The following FHAD1 variants were observed in gnomAD, a reference collection of about 807,000 sequenced individuals.
FHAD1 encodes the protein forkhead associated phosphopeptide binding domain 1, also known as forkhead-associated domain-containing protein 1.
Under a neutral mutation model 191.3 loss-of-function variants are expected in FHAD1, and 146 were observed. The observed-to-expected ratio is 0.76, with a 90% CI of 0.67 to 0.88. FHAD1 has a LOEUF of 0.88. Among genes scored for constraint, FHAD1 ranks in the 40% least tolerant of loss-of-function variants. The pLI, the probability that FHAD1 is intolerant of heterozygous loss-of-function variation, is 0.00. For synonymous variants in FHAD1, 616 were observed against 672.3 expected (o/e 0.92, Z 1.29); for missense variants, 1,635 against 1,785.8 (o/e 0.92, Z 1.52).
chr1:15,374,038 T>G (rs1443947756), intron 26 of FHAD1, among the ~76,000 whole-genome samples: 2 of 152,184 alleles, frequency 1.3e-5, no homozygotes, highest in Non-Finnish European at 2.9e-5. Context: ...GAGGAAGGTT[T>G]TCATTTCTCC....
At chr1:15,353,704 C>CAAAAA (rs60518389) in intron 20 of FHAD1, among the ~76,000 whole-genome samples, 1,648 of 58,544 alleles carry the variant, frequency 0.028, no homozygotes, top group Non-Finnish European at 0.036. Context: ...GACTCCATCT[C>CAAAAA]AAAAAAAAAA....
intron 18 of FHAD1, among the ~76,000 whole-genome samples, chr1:15,345,965 G>A (rs558855515): frequency 2.0e-5 from 3 of 152,274 alleles, no homozygotes; most frequent in Non-Finnish European, 4.4e-5. Context: ...GATGCCTCAG[G>A]CCGACAGAAA....
intron 22 of FHAD1, among the ~76,000 whole-genome samples, chr1:15,361,959 G>A (rs1445137364): frequency 3.3e-5 from 5 of 150,984 alleles, no homozygotes; most frequent in East Asian, 2.0e-4. Context: ...AGCCGAGATC[G>A]CGCCATTGCA....
intron 10 of FHAD1, among the ~76,000 whole-genome samples, chr1:15,320,969 T>C (rs1213412389): frequency 1.3e-5 from 2 of 152,192 alleles, no homozygotes; most frequent in African/African-American, 4.8e-5. Flanking sequence ...AGAGTCTTGC[T>C]CTATTGCCAG....
At chr1:15,257,312 C>T (rs1648668875) in intron 2 of FHAD1, among the ~76,000 whole-genome samples, 1 of 152,220 alleles carries the variant, frequency 6.6e-6, no homozygotes, top group African/African-American at 2.4e-5. Context: ...AATTTCTGCT[C>T]ATCCAAGAGG....
chr1:15,313,122 G>A lies in FHAD1; in HGVS notation c.1105G>A (p.Glu369Lys), dbSNP rs1401071812. 1.8e-5 allele frequency: 28 copies of A among 1,551,900 alleles called. No individual in the cohort carries two copies. The highest frequency in any genetic ancestry group is 2.4e-5 in the Non-Finnish European group (27 of 1,147,036). ...TGAGCAAGTTCAACAACTAAAGGAA[G>A]AGGTCAGTCACCTAAAAAGTCAGAA... ...KDEQVQQLKE[E>K]VSHLKSQNKD... The change falls in exon 8 of 34, where the codon GAG (glutamate) becomes AAG (lysine). Residue 369 changes from glutamate to lysine, a missense_variant. Transcript: ENST00000688493.
At chr1:15,348,376 G>A (rs1206420930) in intron 18 of FHAD1, among the ~76,000 whole-genome samples, 1 of 152,202 alleles carries the variant, frequency 6.6e-6, no homozygotes, top group African/African-American at 2.4e-5. Context: ...ATGGTGACTG[G>A]AAACAGGCTG....
At chr1:15,249,525 A>C (rs143372240) in intron 1 of FHAD1, among the ~76,000 whole-genome samples, 1 of 152,350 alleles carries the variant, frequency 6.6e-6, no homozygotes, top group African/African-American at 2.4e-5. Flanking sequence ...TATCCCTATT[A>C]AAGACAGCAG....
intron 1 of FHAD1, 79 bp from the exon 2 acceptor site, chr1:15,251,692 A>G (rs1300695236): frequency 3.2e-5 from 36 of 1,120,454 alleles, no homozygotes; most frequent in Non-Finnish European, 4.2e-5. Context: ...TGGTTATTTC[A>G]TTCATTTTAA....
intron 18 of FHAD1, among the ~76,000 whole-genome samples, chr1:15,347,159 C>A (rs2102386830): frequency 6.6e-6 from 1 of 152,356 alleles, no homozygotes; most frequent in East Asian, 1.9e-4. Flanking sequence ...CAGAGCGTCA[C>A]TGAGGTTTGC....
At chr1:15,286,226 G>C (rs976842425) in intron 3 of FHAD1, among the ~76,000 whole-genome samples, 1 of 152,206 alleles carries the variant, frequency 6.6e-6, no homozygotes, top group African/African-American at 2.4e-5. Flanking sequence ...AACCAGACCA[G>C]GTGTTGGGGC....
intron 2 of FHAD1, among the ~76,000 whole-genome samples, chr1:15,269,530 A>G (rs951340722): frequency 6.6e-6 from 1 of 152,218 alleles, no homozygotes; most frequent in African/African-American, 2.4e-5. Context: ...CATATTCTAC[A>G]TGATTTCTAT....
chr1:15,397,390 T>C lies in FHAD1; in HGVS notation c.4417T>C (p.Ser1473Pro). 6.5e-7 allele frequency: 1 copy of C among 1,539,904 alleles called. No individual in the cohort carries two copies. The highest frequency in any genetic ancestry group is 8.8e-7 in the Non-Finnish European group (1 of 1,139,146). The change falls in exon 34 of 34, where the codon TCT (serine) becomes CCT (proline). Residue 1473 changes from serine to proline, a missense_variant. Ser to Pro is a moderately conservative substitution (Grantham distance 74, BLOSUM62 -1). Transcript: ENST00000688493. ...CAAGTCCAGCCAGAGCCTTTTGCAT[T>C]CTAAGCCCAGTGGAAAGTACTAGAG... Reference protein sequence around the residue: ...SSKSSQSLLHSKPSGKY With the variant: ...SSKSSQSLLHPKPSGKY
intron 10 of FHAD1, among the ~76,000 whole-genome samples, chr1:15,320,944 T>G (rs1676043669): frequency 6.6e-6 from 1 of 152,226 alleles, no homozygotes; most frequent in Non-Finnish European, 1.5e-5. Context: ...TTGTTGTTTG[T>G]TTGTTTTTTG....
chr1:15,289,376 CT>C lies in FHAD1; in HGVS notation c.301-22del. The C allele has an allele frequency of 1.3e-6, 2 of 1,549,094 alleles. No homozygotes were observed. The highest frequency in any genetic ancestry group is 1.7e-6 in the Non-Finnish European group (2 of 1,145,674). On this transcript the variant is annotated intron_variant, in intron 3 of 33. Transcript: ENST00000688493. The surrounding 1 kb of genome is among the most constrained non-coding windows in gnomAD (Gnocchi z 4.2). The stretch of plus-strand genomic sequence containing the variant: ...CCATCCCAGCCGGTCATAACCTCCC[CT>C]GACCCTTGTCTGCCCCTGCAGGTCT...
chr1:15,358,206 G>A lies in FHAD1; in HGVS notation c.2659G>A (p.Glu887Lys). ...VEETQKTKAT[E>K]SLKAESLALK... is the part of the protein sequence containing the mutation. ...AGAGACTCAGAAAACAAAGGCAACT[G>A]AAAGTCTAAAAGCAGAGAGCCTCGC... The change falls in exon 21 of 34, where the codon GAA becomes AAA. Residue 887 changes from glutamate to lysine, a missense_variant. Transcript: ENST00000688493. The A allele has an allele frequency of 9.1e-6, 14 of 1,541,208 alleles. No individual in the cohort carries two copies. Among genetic ancestry groups the A allele is most frequent in the Non-Finnish European group, 1.2e-5 (14 of 1,144,818 alleles).
chr1:15,251,031 C>T (rs979152714), intron 1 of FHAD1, among the ~76,000 whole-genome samples: 1 of 152,080 alleles, frequency 6.6e-6, no homozygotes, highest in South Asian at 2.1e-4. Flanking sequence ...TGGCTCCTGT[C>T]TGTAATCCCA....
intron 2 of FHAD1, among the ~76,000 whole-genome samples, chr1:15,271,898 G>A (rs1435056709): frequency 6.6e-6 from 1 of 152,098 alleles, no homozygotes; most frequent in Non-Finnish European, 1.5e-5. Flanking sequence ...TACCCATGTG[G>A]AGTCAGGGAA....
intron 2 of FHAD1, among the ~76,000 whole-genome samples, chr1:15,253,838 G>T (rs7529088): frequency 0.72 from 109,034 of 152,098 alleles, 40,301 homozygotes; most frequent in East Asian, 0.95. Flanking sequence ...GTCTGTTGCA[G>T]AAGAGTGGTG....
Sources: gnomAD v4.1 joint callset for allele counts (sites outside exome capture counted in the v4.1 genomes callset) on GRCh38, gnomAD v4.1.1 for gene constraint, Gnocchi (gnomAD v3.1) non-coding constraint, MANE v1.5 for transcripts, NCBI Gene and HGNC (gene_info 2026-07-23, HGNC 2026-07-21) for gene names.